Variants in LPXN observed in about 807,000 individuals in gnomAD.
LPXN encodes the protein leupaxin.
LPXN carries 28 observed loss-of-function variants against 45.6 expected under a neutral mutation model. The observed-to-expected ratio is 0.61, with a 90% CI of 0.45 to 0.84. LPXN has a LOEUF of 0.84. Ranked by LOEUF, LPXN falls within the 40% of genes least tolerant of loss-of-function variation. The pLI, the probability that LPXN is intolerant of heterozygous loss-of-function variation, is 0.00. For missense variants in LPXN, 459 were observed against 475.0 expected (o/e 0.97, Z 0.31); for synonymous variants, 166 against 169.9 (o/e 0.98, Z 0.18).
Position 58,549,959 on chromosome 11 carries a change from G to A in LPXN, c.660+14C>T, listed in dbSNP as rs566056669. 69 of 1,614,030 alleles carry A rather than the reference G, an allele frequency of 4.3e-5. 1 individual carries two copies. In the South Asian group the frequency reaches 5.1e-4, roughly 12 times the overall value. On this transcript the variant is annotated intron_variant, in intron 6 of 8. Coordinates refer to ENST00000395074, the MANE Select transcript of LPXN (RefSeq NM_004811.3). ...GAGTGACTGAAAGCTGGAGAGGAGC[G>A]GGGATTTACTTACATCCAGGATGGG...
chr11:58,577,482 T>C (rs771368908), upstream of LPXN, among the ~76,000 whole-genome samples: 1 of 152,122 alleles, frequency 6.6e-6, no homozygotes, highest in Non-Finnish European at 1.5e-5. Flanking sequence ...CTTCTTTCTT[T>C]TGGGACTTTT....
intron 7 of LPXN, among the ~76,000 whole-genome samples, chr11:58,534,072 G>A (rs561769051): frequency 5.8e-4 from 88 of 152,176 alleles, no homozygotes; most frequent in African/African-American, 2.1e-3. Context: ...CACAATAATA[G>A]TGGGAGACTT....
intron 7 of LPXN, among the ~76,000 whole-genome samples, chr11:58,529,926 A>C (rs1030739779): frequency 6.6e-6 from 1 of 152,142 alleles, no homozygotes; most frequent in African/African-American, 2.4e-5. Flanking sequence ...CCCAGAAAGC[A>C]CAAGGGGTCA....
At chr11:58,578,111 T>C (rs925253465), upstream of LPXN, 6 of 1,530,812 alleles carry the variant, frequency 3.9e-6, no homozygotes, top group African/African-American at 8.4e-5. Flanking sequence ...TCTGGGCAGT[T>C]ACGCAGACAC....
At chr11:58,566,805 T>A (rs2134342723) in intron 2 of LPXN, among the ~76,000 whole-genome samples, 1 of 152,334 alleles carries the variant, frequency 6.6e-6, no homozygotes, top group South Asian at 2.1e-4. Flanking sequence ...CAACTGGTCT[T>A]GAACATAATG....
chr11:58,555,757 C>T (rs1854183280), intron 3 of LPXN, among the ~76,000 whole-genome samples: 1 of 101,774 alleles, frequency 9.8e-6, no homozygotes, highest in Non-Finnish European at 2.1e-5. Context: ...CACACACACA[C>T]TCACACACAT....
chr11:58,533,209 G>A (rs1210851765), intron 7 of LPXN, among the ~76,000 whole-genome samples: 4 of 152,170 alleles, frequency 2.6e-5, no homozygotes, highest in African/African-American at 9.7e-5. Context: ...CTTGAAGTCA[G>A]TGAGACCAAG....
intron 7 of LPXN, among the ~76,000 whole-genome samples, chr11:58,531,949 G>A (rs1056655902): frequency 2.0e-5 from 3 of 152,242 alleles, no homozygotes; most frequent in Admixed American, 1.3e-4. Context: ...AGGTGTGGAC[G>A]GAGAGGCACG....
chr11:58,527,774 A>G, intron 8 of LPXN, 51 bp from the exon 9 acceptor site: 1 of 1,549,700 alleles, frequency 6.5e-7, no homozygotes, highest in South Asian at 1.2e-5. Flanking sequence ...AAGAGGTAAA[A>G]TGTCAGCAAA....
intron 7 of LPXN, 100 bp downstream of exon 7, chr11:58,549,686 C>T (rs1417909638): frequency 5.5e-6 from 5 of 912,654 alleles, no homozygotes; most frequent in Non-Finnish European, 8.8e-6. Flanking sequence ...TTTGATAGTA[C>T]TGATAGGAAC....
chr11:58,533,141 T>G (rs1005350470), intron 7 of LPXN, among the ~76,000 whole-genome samples: 1 of 152,044 alleles, frequency 6.6e-6, no homozygotes, highest in Non-Finnish European at 1.5e-5. Context: ...AGGAACAAAC[T>G]CCGGACACAC....
At chr11:58,558,209 G>A (rs780114788) in intron 3 of LPXN, among the ~76,000 whole-genome samples, 4 of 151,640 alleles carry the variant, frequency 2.6e-5, no homozygotes, top group African/African-American at 4.8e-5. Context: ...TAGATGTGGT[G>A]TCTTATAGAG....
chr11:58,565,864 G>C (rs1348918447), intron 2 of LPXN, among the ~76,000 whole-genome samples: 5 of 151,904 alleles, frequency 3.3e-5, no homozygotes, highest in African/African-American at 4.8e-5. Context: ...CAGGTATGGT[G>C]GTGGGTGCCT....
chr11:58,575,706 G>C, intron 1 of LPXN, 54 bp downstream of exon 1: 1 of 1,599,700 alleles, frequency 6.3e-7, no homozygotes, highest in Non-Finnish European at 8.6e-7. Flanking sequence ...CACACAAGGA[G>C]ATGGCAGCCA....
chr11:58,549,689 A>T, intron 7 of LPXN, 97 bp downstream of exon 7: 2 of 951,284 alleles, frequency 2.1e-6, no homozygotes, highest in South Asian at 2.8e-5. Flanking sequence ...GATAGTACTG[A>T]TAGGAACCAG....
At chr11:58,531,332 A>G (rs1853380790) in intron 7 of LPXN, among the ~76,000 whole-genome samples, 1 of 152,096 alleles carries the variant, frequency 6.6e-6, no homozygotes, top group African/African-American at 2.4e-5. Context: ...CAAATTGCTA[A>G]CTAGAATAAC....
intron 1 of LPXN, among the ~76,000 whole-genome samples, chr11:58,574,578 AAAAG>A (rs1341953876): frequency 3.3e-5 from 5 of 152,128 alleles, no homozygotes; most frequent in Non-Finnish European, 2.9e-5. Context: ...CCCCCCAAAA[AAAAG>A]AAAGAGAAAA....
chr11:58,560,528 T>A (rs1004571066), intron 3 of LPXN, among the ~76,000 whole-genome samples: 4 of 152,206 alleles, frequency 2.6e-5, no homozygotes, highest in African/African-American at 9.7e-5. Context: ...AAACTAAAAT[T>A]ATACATTTTT....
At chr11:58,547,958 T>TAA (rs548423434) in intron 7 of LPXN, among the ~76,000 whole-genome samples, 1 of 150,622 alleles carries the variant, frequency 6.6e-6, no homozygotes, top group East Asian at 1.9e-4. Context: ...AAGGAGAAAT[T>TAA]AAAAAAAACA....
Sources: gnomAD v4.1 joint callset for allele counts (sites outside exome capture counted in the v4.1 genomes callset) on GRCh38, gnomAD v4.1.1 for gene constraint, MANE v1.5 for transcripts, NCBI Gene and HGNC (gene_info 2026-07-23, HGNC 2026-07-21) for gene names.